CTNNBL1: variants seen among roughly 807,000 people sequenced by gnomAD.
The protein encoded by CTNNBL1 is catenin beta like 1, also known as beta-catenin-like protein 1.
CTNNBL1 carries 31 observed loss-of-function variants against 72.7 expected under a neutral mutation model. The observed-to-expected ratio is 0.43, with a 90% confidence interval of 0.32 to 0.58. The LOEUF is 0.58. Ranked by LOEUF, CTNNBL1 falls within the 20% of genes least tolerant of loss-of-function variation. The pLI is 0.08. For missense variants in CTNNBL1, 534 were observed against 725.1 expected (o/e 0.74, Z 3.03); for synonymous variants, 240 against 267.3 (o/e 0.90, Z 1.00).
At chr20:37,784,070 T>C (rs143728368) in intron 10 of CTNNBL1, among the ~76,000 whole-genome samples, 8 of 152,348 alleles carry the variant, frequency 5.3e-5, no homozygotes, top group Middle Eastern at 3.4e-3. Flanking sequence ...TATATTCTTT[T>C]GCTGAATGGG....
At chr20:37,807,556 A>G (rs1043864965) in intron 11 of CTNNBL1, among the ~76,000 whole-genome samples, 4 of 152,226 alleles carry the variant, frequency 2.6e-5, no homozygotes, top group African/African-American at 7.2e-5. Flanking sequence ...TCCCAAGTCA[A>G]CAGAAGGGCT....
chr20:37,806,248 C>T (rs573455375), intron 11 of CTNNBL1, among the ~76,000 whole-genome samples: 82 of 152,304 alleles, frequency 5.4e-4, no homozygotes, highest in Non-Finnish European at 9.3e-4. Flanking sequence ...TAGCCCAGCT[C>T]CTAGGTGGAA....
intron 11 of CTNNBL1, among the ~76,000 whole-genome samples, chr20:37,829,913 C>A (rs2072193197): frequency 6.6e-6 from 1 of 152,126 alleles, no homozygotes; most frequent in Non-Finnish European, 1.5e-5. Context: ...CTCATTGCAG[C>A]CTTGACCTCC....
At chr20:37,836,233 G>A (rs1002016324) in intron 11 of CTNNBL1, among the ~76,000 whole-genome samples, 1 of 152,180 alleles carries the variant, frequency 6.6e-6, no homozygotes, top group African/African-American at 2.4e-5. Context: ...TCAGGAAAGA[G>A]AAACATTTTC....
chr20:37,802,293 A>G (rs1339248388), intron 10 of CTNNBL1, among the ~76,000 whole-genome samples: 1 of 152,254 alleles, frequency 6.6e-6, no homozygotes, highest in Non-Finnish European at 1.5e-5. Context: ...TGAAATGTCT[A>G]GAATAGGCAA....
chr20:37,856,084 A>C (rs1334651048), intron 13 of CTNNBL1, among the ~76,000 whole-genome samples: 1 of 151,984 alleles, frequency 6.6e-6, no homozygotes. Flanking sequence ...TAAAAATACA[A>C]AAATTAGCTG....
chr20:37,815,934 T>C (rs145814118), intron 11 of CTNNBL1, among the ~76,000 whole-genome samples: 57 of 152,316 alleles, frequency 3.7e-4, no homozygotes, highest in African/African-American at 1.3e-3. Flanking sequence ...TCTTGTAATA[T>C]TGGATGTGAT....
chr20:37,717,876 T>C (rs1370438044), intron 1 of CTNNBL1, among the ~76,000 whole-genome samples: 1 of 152,196 alleles, frequency 6.6e-6, no homozygotes, highest in Non-Finnish European at 1.5e-5. Context: ...TTAATCCATT[T>C]AACCCTGGGT....
chr20:37,793,938 G>A (rs368751357), intron 10 of CTNNBL1, among the ~76,000 whole-genome samples: 91 of 151,554 alleles, frequency 6.0e-4, no homozygotes, highest in African/African-American at 2.1e-3. Flanking sequence ...GTGCCACCAC[G>A]CCCAGCTAAT....
At chr20:37,762,961 T>C (rs1170547574) in intron 5 of CTNNBL1, among the ~76,000 whole-genome samples, 1 of 152,184 alleles carries the variant, frequency 6.6e-6, no homozygotes, top group Non-Finnish European at 1.5e-5. Context: ...AATGCATTGC[T>C]CACTGACAGT....
chr20:37,711,576 A>G (rs1011231147), intron 1 of CTNNBL1, among the ~76,000 whole-genome samples: 2 of 148,534 alleles, frequency 1.3e-5, no homozygotes, highest in African/African-American at 2.5e-5. Flanking sequence ...AAGCAAACAC[A>G]TACTAGATAA....
At chr20:37,850,675 G>A (rs2072388525) in intron 13 of CTNNBL1, among the ~76,000 whole-genome samples, 1 of 119,296 alleles carries the variant, frequency 8.4e-6, no homozygotes, top group Non-Finnish European at 1.8e-5. Context: ...TGTTTTGCTG[G>A]TGTTGATGCT....
intron 4 of CTNNBL1, 190 bp downstream of exon 4, chr20:37,746,797 A>G (rs2073269266): frequency 1.3e-6 from 1 of 768,116 alleles, no homozygotes; most frequent in Non-Finnish European, 2.2e-6. Context: ...CTATTAACAA[A>G]TCTTGCAAAT....
intron 11 of CTNNBL1, among the ~76,000 whole-genome samples, chr20:37,812,068 T>G (rs2072016558): frequency 6.6e-6 from 1 of 152,226 alleles, no homozygotes; most frequent in Admixed American, 6.5e-5. Context: ...TGTAGGCAGA[T>G]AGGCCTGATT....
intron 10 of CTNNBL1, among the ~76,000 whole-genome samples, chr20:37,781,290 C>T (rs2073623352): frequency 6.6e-6 from 1 of 152,252 alleles, no homozygotes; most frequent in South Asian, 2.1e-4. Context: ...AGGGACTTTT[C>T]CTTAAGCTTC....
At chr20:37,842,966 T>C (rs1292974502) in intron 13 of CTNNBL1, among the ~76,000 whole-genome samples, 3 of 152,184 alleles carry the variant, frequency 2.0e-5, no homozygotes, top group Non-Finnish European at 2.9e-5. Flanking sequence ...CTCATGTTGA[T>C]TGTTGCTAAG....
chr20:37,808,884 C>A (rs958722012), intron 11 of CTNNBL1, among the ~76,000 whole-genome samples: 1 of 151,994 alleles, frequency 6.6e-6, no homozygotes. Flanking sequence ...GTAAATGGCA[C>A]CAGCCTCCTC....
intron 10 of CTNNBL1, among the ~76,000 whole-genome samples, chr20:37,801,427 GAAT>G (rs1239134402): frequency 2.0e-5 from 3 of 152,108 alleles, no homozygotes; most frequent in Non-Finnish European, 4.4e-5. Flanking sequence ...GTATTTAAAA[GAAT>G]AATTTAAGAT....
At position 37,803,033 on chromosome 20, in the gene CTNNBL1, G is replaced by C; in HGVS notation, c.1198G>C (p.Glu400Gln). 6.2e-7 allele frequency: 1 copy of C among 1,614,002 alleles called. No homozygotes were observed. ...GAAGATCAAGAAAGTGGGAACCACT[G>C]AGAAGGAACATGAAGGTAGGGTTCA... ...PRKIKKVGTT[E>Q]KEHEEHVCSI... The change falls in exon 11 of 16, where the codon GAG (glutamate) becomes CAG (glutamine). Residue 400 changes from glutamate to glutamine, a missense_variant. Glu to Gln is a conservative substitution (Grantham distance 29). Coordinates refer to ENST00000361383, the MANE Select transcript of CTNNBL1 (RefSeq NM_030877.5).
Sources: allele counts gnomAD v4.1 joint callset (sites outside exome capture counted in the v4.1 genomes callset), GRCh38; gene constraint gnomAD v4.1.1; transcripts MANE v1.5; gene names NCBI Gene and HGNC (gene_info 2026-07-23, HGNC 2026-07-21).